Variants in PPFIBP1 observed in about 807,000 individuals in gnomAD.
The protein encoded by PPFIBP1 is PPFIB scaffold protein 1, also known as liprin-beta-1.
In PPFIBP1, 112 loss-of-function variants were observed where a neutral mutation model predicts 137.8. The ratio of observed to expected loss-of-function variants is 0.81; its 90% CI spans 0.70 to 0.95. The LOEUF (loss-of-function observed/expected upper bound fraction) is 0.95. Ranked by LOEUF, PPFIBP1 falls within the 40% of genes least tolerant of loss-of-function variation. PPFIBP1 has a pLI of 0.00. For missense variants in PPFIBP1, 1,083 were observed against 1,196.6 expected (o/e 0.91, Z 1.40); for synonymous variants, 378 against 417.3 (o/e 0.91, Z 1.15).
chr12:27,620,803 G>A (rs547743618), intron 2 of PPFIBP1, among the ~76,000 whole-genome samples: 23 of 152,206 alleles, frequency 1.5e-4, no homozygotes, highest in African/African-American at 4.1e-4. Context: ...TACAGAGTAA[G>A]CTAATGTTAA....
intron 1 of PPFIBP1, among the ~76,000 whole-genome samples, chr12:27,572,559 CAT>C (rs1300947515): frequency 6.6e-6 from 1 of 152,178 alleles, no homozygotes; most frequent in Non-Finnish European, 1.5e-5. Context: ...AATTTAAAAA[CAT>C]GTGGGCCTGT....
chr12:27,648,459 A>G (rs2058679207), intron 6 of PPFIBP1, among the ~76,000 whole-genome samples: 1 of 152,220 alleles, frequency 6.6e-6, no homozygotes, highest in African/African-American at 2.4e-5. Context: ...AAAAAACTGA[A>G]AATAGAGCTA....
At chr12:27,538,508 CTG>C (rs1945302961) in intron 1 of PPFIBP1, among the ~76,000 whole-genome samples, 2 of 152,330 alleles carry the variant, frequency 1.3e-5, no homozygotes, top group South Asian at 2.1e-4. Context: ...GATGAGGAAA[CTG>C]AGAATTTTTT....
In PPFIBP1 at chr12:27,681,621, G is replaced by A. The variant is rs35291896; in HGVS notation, c.1971G>A (p.Ser657=). 4.5e-4 allele frequency: 720 copies of A among 1,614,166 alleles called. 7 individuals are homozygous for A. In the African/African-American group the frequency reaches 8.7e-3, roughly 20 times the overall value. The change falls in exon 22 of 30, where the codon TCG becomes TCA. Residue 657 remains serine, a synonymous_variant. Transcript: ENST00000228425. Reference sequence around the variant, plus strand: ...GGCTGATGGAACAGGGCTTGGGCTCGTACCTGAATTCTGGCAAGCACTGGA... The same window carrying A: ...GGCTGATGGAACAGGGCTTGGGCTCATACCTGAATTCTGGCAAGCACTGGA... The part of the protein sequence containing the change: ...CNWLMEQGLG[S]YLNSGKHWIA...
chr12:27,586,247 C>T (rs2051733939), intron 2 of PPFIBP1, among the ~76,000 whole-genome samples: 1 of 152,146 alleles, frequency 6.6e-6, no homozygotes, highest in Non-Finnish European at 1.5e-5. Flanking sequence ...AACTTAAGAA[C>T]CTGGGTTTTT....
rs555817149 is a variant in PPFIBP1 at position 27,625,300 on chromosome 12, C to T, written c.-35-8062C>T. ...TAGTATAGTGTACCCCTACATACCACCACCCATTTTCAACAATTATCAACT... is the reference window on the plus strand; with the variant it reads ...TAGTATAGTGTACCCCTACATACCATCACCCATTTTCAACAATTATCAACT... On this transcript the variant is annotated intron_variant, in intron 2 of 29. Coordinates refer to ENST00000228425, the MANE Select transcript of PPFIBP1 (RefSeq NM_003622.4). Among the ~76,000 whole-genome samples, 3 of 152,258 alleles carry T rather than the reference C, an allele frequency of 2.0e-5. No homozygotes were observed. The East Asian group carries it at 5.8e-4, about 29-fold the overall frequency.
chr12:27,557,297 G>A (rs1197908927), intron 1 of PPFIBP1, among the ~76,000 whole-genome samples: 5 of 150,048 alleles, frequency 3.3e-5, no homozygotes, highest in Admixed American at 3.3e-4. Flanking sequence ...GTGCAGCAGC[G>A]AGATCTCGGC....
intron 1 of PPFIBP1, among the ~76,000 whole-genome samples, chr12:27,551,633 T>G (rs192152970): frequency 6.6e-6 from 1 of 152,346 alleles, no homozygotes; most frequent in Non-Finnish European, 1.5e-5. Context: ...CCTACAACTT[T>G]TAGGCTACGG....
chr12:27,614,944 G>A (rs908221655), intron 2 of PPFIBP1, among the ~76,000 whole-genome samples: 3 of 152,180 alleles, frequency 2.0e-5, no homozygotes, highest in African/African-American at 4.8e-5. Flanking sequence ...GTATTTGCTG[G>A]TATTAATGCC....
At chr12:27,642,921 G>A (rs2058215871) in intron 4 of PPFIBP1, among the ~76,000 whole-genome samples, 1 of 152,064 alleles carries the variant, frequency 6.6e-6, no homozygotes, top group Non-Finnish European at 1.5e-5. Context: ...CAGGACGAAA[G>A]AAAGGAAAGA....
At chr12:27,606,901 C>T (rs1289811053) in intron 2 of PPFIBP1, among the ~76,000 whole-genome samples, 7 of 152,122 alleles carry the variant, frequency 4.6e-5, no homozygotes, top group African/African-American at 7.2e-5. Flanking sequence ...TTACTCCATC[C>T]GTACTTGCTA....
At chr12:27,668,149 C>T (rs1489985400) in intron 13 of PPFIBP1, among the ~76,000 whole-genome samples, 2 of 152,174 alleles carry the variant, frequency 1.3e-5, no homozygotes, top group East Asian at 1.9e-4. Context: ...AATACACTCG[C>T]CCCCTTTCCG....
At chr12:27,594,113 G>T (rs117584921) in intron 2 of PPFIBP1, 37,320 of 883,698 alleles carry the variant, frequency 0.042, 906 homozygotes, top group Non-Finnish European at 0.047. Context: ...GAAAAAGTAG[G>T]TGGGACCGGG....
chr12:27,588,932 A>G (rs1413163606), intron 2 of PPFIBP1, among the ~76,000 whole-genome samples: 1 of 152,226 alleles, frequency 6.6e-6, no homozygotes, highest in African/African-American at 2.4e-5. Flanking sequence ...GGGGGAATTT[A>G]TCCTGAGGCT....
rs545809103 is a variant in PPFIBP1, at chr12:27,688,319, G to A, written c.2392G>A (p.Val798Ile). 1 of 1,614,056 alleles carries A rather than the reference G, an allele frequency of 6.2e-7. No homozygotes were observed. Among genetic ancestry groups the A allele is most frequent in the African/African-American group, 1.3e-5 (1 of 75,004 alleles). ...ATAGAATACCATCGCCCCATCAGAA[G>A]TTCAGAAGTGGACTAACCATCGAGT... ...SDENTIAPSEVQKWTNHRVME... is the reference protein window; with the variant it reads ...SDENTIAPSEIQKWTNHRVME... Residue 798 changes from valine (V) to isoleucine (I), a missense_variant, in exon 26 of 30, where the codon GTT becomes ATT. Physicochemically the swap from Val to Ile is conservative, Grantham distance 29. Transcript: ENST00000228425.
chr12:27,556,049 C>T (rs2048678845), intron 1 of PPFIBP1, among the ~76,000 whole-genome samples: 1 of 152,188 alleles, frequency 6.6e-6, no homozygotes, highest in Non-Finnish European at 1.5e-5. Flanking sequence ...TTCCTGAATA[C>T]ATCTATTGCT....
intron 2 of PPFIBP1, among the ~76,000 whole-genome samples, chr12:27,598,894 A>G (rs1360635098): frequency 1.3e-5 from 2 of 152,222 alleles, no homozygotes; most frequent in Non-Finnish European, 1.5e-5. Context: ...TCGTCTAAGT[A>G]GTATAAGCTG....
intron 2 of PPFIBP1, among the ~76,000 whole-genome samples, chr12:27,607,315 C>T (rs1006616566): frequency 1.4e-4 from 22 of 152,252 alleles, no homozygotes; most frequent in South Asian, 6.2e-4. Context: ...ATGTCCACCT[C>T]GTGGGAAATA....
intron 2 of PPFIBP1, among the ~76,000 whole-genome samples, chr12:27,596,184 T>C (rs1703593672): frequency 6.6e-6 from 1 of 151,968 alleles, no homozygotes; most frequent in South Asian, 2.1e-4. Context: ...AATCTATCAA[T>C]TTCTAAAGAT....
Sources: allele counts gnomAD v4.1 joint callset (sites outside exome capture counted in the v4.1 genomes callset), GRCh38; gene constraint gnomAD v4.1.1; transcripts MANE v1.5; gene names NCBI Gene and HGNC (gene_info 2026-07-23, HGNC 2026-07-21).